SCN11A: variants seen among roughly 807,000 people sequenced by gnomAD.
SCN11A encodes sodium channel protein type 11 subunit alpha.
SCN11A carries 122 observed loss-of-function variants against 162.2 expected under a neutral mutation model. The observed-to-expected ratio is 0.75, with a 90% CI of 0.65 to 0.87. The LOEUF is 0.87. Ranked by LOEUF, SCN11A falls within the 40% of genes least tolerant of loss-of-function variation. The probability of loss-of-function intolerance (pLI) is 0.00; values close to 1 mark genes in which losing one functional copy is unlikely to be tolerated. For missense variants in SCN11A, 2,015 were observed against 2,181.6 expected (o/e 0.92, Z 1.52); for synonymous variants, 758 against 751.5 (o/e 1.01, Z -0.14).
At position 38,879,998 on chromosome 3, in the gene SCN11A, T is replaced by C. The variant is rs1470908414; in HGVS notation, c.3345A>G (p.Gly1115=). Residue 1115 remains glycine (G), a synonymous_variant, in exon 23 of 30, where the codon GGA becomes GGG. Transcript: ENST00000302328. ...MVLKWVAFGF[G]KYFTSAWCCL... ...AGCACCAGGCACTGGTGAAATACTT[T>C]CCAAATCCGAAGGCTACCCATTTTA... 6.2e-7 allele frequency: 1 copy of C among 1,613,106 alleles called. No homozygotes were observed. The highest frequency in any genetic ancestry group is 1.7e-5 in the Admixed American group (1 of 59,850).
At chr3:38,878,504 C>T (rs1051330152) in intron 23 of SCN11A, among the ~76,000 whole-genome samples, 2 of 152,054 alleles carry the variant, frequency 1.3e-5, no homozygotes, top group African/African-American at 2.4e-5. Flanking sequence ...AGATAACAAT[C>T]ATCTGTTCAC....
chr3:39,014,987 T>C (rs900860246), intron 2 of SCN11A, among the ~76,000 whole-genome samples: 1 of 152,204 alleles, frequency 6.6e-6, no homozygotes, highest in Non-Finnish European at 1.5e-5. Flanking sequence ...AAGTCCATGC[T>C]GTTGAGCTGA....
At chr3:38,995,992 T>C (rs1253546213) in intron 2 of SCN11A, among the ~76,000 whole-genome samples, 1 of 152,136 alleles carries the variant, frequency 6.6e-6, no homozygotes, top group Admixed American at 6.5e-5. Flanking sequence ...TTGCAAAAGA[T>C]GAAGAGACAC....
In SCN11A at chr3:38,945,474, TTGA is replaced by T. The variant is rs768235669; in HGVS notation, c.422_424del (p.Ile141del). 6.3e-7 allele frequency: 1 copy of T among 1,595,650 alleles called. No homozygotes were observed. The highest frequency in any genetic ancestry group is 8.6e-7 in the Non-Finnish European group (1 of 1,167,010). The stretch of plus-strand genomic sequence containing the variant: ...AGGCCCTGTAGCCATGAACACGCAG[TTGA>T]TGATAACGGTGCCGATAATGAACAT... On this transcript the variant is annotated inframe_deletion, in exon 7 of 30. Transcript: ENST00000302328.
chr3:38,912,510 T>C (rs1033778997), intron 11 of SCN11A, among the ~76,000 whole-genome samples: 1 of 152,186 alleles, frequency 6.6e-6, no homozygotes, highest in Non-Finnish European at 1.5e-5. Context: ...CTGGCGTACA[T>C]GTGCAGGTTT....
chr3:38,897,481 C>T (rs993676594), intron 17 of SCN11A, among the ~76,000 whole-genome samples: 11 of 152,242 alleles, frequency 7.2e-5, no homozygotes, highest in African/African-American at 2.4e-4. Context: ...CTTTGGGAGG[C>T]CAAGGCGGGT....
In SCN11A at chr3:38,871,549, T is replaced by C. The variant is rs2126095930; in HGVS notation, c.3655A>G (p.Ile1219Val). Residue 1219 changes from isoleucine (I) to valine (V), a missense_variant, in exon 25 of 30, where the codon ATC (isoleucine) becomes GTC (valine). Ile to Val is a conservative substitution (Grantham distance 29, BLOSUM62 3). Transcript: ENST00000302328. The part of the protein sequence containing the change: ...NGTDSVINYT[I>V]ITNKSQCESG... ...TCACATTGACTTTTATTTGTAATGA[T>C]GGTATAATTTATAACTGAGTCTGTT... 2 of 1,612,890 alleles carry C rather than the reference T, an allele frequency of 1.2e-6. No homozygotes were observed. Among genetic ancestry groups the C allele is most frequent in the East Asian group, 2.2e-5 (1 of 44,816 alleles).
intron 28 of SCN11A, among the ~76,000 whole-genome samples, chr3:38,857,786 A>C (rs1311109965): frequency 6.6e-6 from 1 of 152,150 alleles, no homozygotes; most frequent in Non-Finnish European, 1.5e-5. Context: ...TATCAGATTA[A>C]CAGTTAACTT....
chr3:39,034,065 A>C (rs1036170529), intron 1 of SCN11A, among the ~76,000 whole-genome samples: 2 of 152,066 alleles, frequency 1.3e-5, no homozygotes, highest in African/African-American at 4.8e-5. Context: ...AGGAGGCTGA[A>C]GCAGGAGAAT....
intron 1 of SCN11A, among the ~76,000 whole-genome samples, chr3:39,045,165 A>G (rs2032152859): frequency 6.6e-6 from 1 of 152,204 alleles, no homozygotes; most frequent in Non-Finnish European, 1.5e-5. Context: ...AAAGTCTCCC[A>G]ACAAAGAAAA....
chr3:39,014,775 T>C (rs1417718064), intron 2 of SCN11A, among the ~76,000 whole-genome samples: 1 of 152,222 alleles, frequency 6.6e-6, no homozygotes, highest in Non-Finnish European at 1.5e-5. Flanking sequence ...GAAGCAATTA[T>C]TCATATTCAG....
At chr3:38,872,086 C>A in intron 24 of SCN11A, 107 bp downstream of exon 24, 1 of 758,398 alleles carries the variant, frequency 1.3e-6, no homozygotes, top group African/African-American at 1.7e-5. Flanking sequence ...GGGAAGTAAC[C>A]CAGGAAAAGC....
chr3:38,891,871 C>A (rs562977042), intron 19 of SCN11A, among the ~76,000 whole-genome samples: 2 of 152,276 alleles, frequency 1.3e-5, no homozygotes, highest in African/African-American at 4.8e-5. Flanking sequence ...GGAATTAATT[C>A]TCCAACATAT....
chr3:39,043,244 G>T (rs988999358), intron 1 of SCN11A, among the ~76,000 whole-genome samples: 1 of 152,076 alleles, frequency 6.6e-6, no homozygotes, highest in East Asian at 1.9e-4. Context: ...CAACCATTAT[G>T]AAGAATCATT....
intron 4 of SCN11A, among the ~76,000 whole-genome samples, chr3:38,951,338 G>T (rs923459253): frequency 1.3e-5 from 2 of 152,268 alleles, no homozygotes; most frequent in Non-Finnish European, 2.9e-5. Context: ...AGCAGAGTCG[G>T]CCCACTGGCG....
chr3:38,997,670 A>G (rs2030686317), intron 2 of SCN11A, among the ~76,000 whole-genome samples: 1 of 152,238 alleles, frequency 6.6e-6, no homozygotes, highest in African/African-American at 2.4e-5. Context: ...TAGAACACAA[A>G]TGAGACACTT....
intron 27 of SCN11A, among the ~76,000 whole-genome samples, chr3:38,864,737 C>G (rs1446654608): frequency 1.3e-5 from 2 of 152,070 alleles, no homozygotes; most frequent in Admixed American, 1.3e-4. Context: ...TAGCTGATTA[C>G]AGAACTAGGG....
At position 38,847,516 on chromosome 3, in the gene SCN11A, C is replaced by G; in HGVS notation, c.4554G>C (p.Trp1518Cys). 6 of 1,614,108 alleles carry G rather than the reference C, an allele frequency of 3.7e-6. No homozygotes were observed. Among genetic ancestry groups the G allele is most frequent in the Non-Finnish European group, 5.1e-6 (6 of 1,180,018 alleles). ...MFIYAILGMN[W>C]FSKVNPESGI... is the part of the protein sequence containing the mutation. The stretch of plus-strand genomic sequence containing the variant: ...CAGACTCTGGATTCACTTTGGAAAA[C>G]CAGTTCATACCCAGAATGGCATAGA... The change falls in exon 30 of 30, where the codon TGG becomes TGC. Residue 1518 changes from tryptophan to cysteine, a missense_variant. Coordinates refer to ENST00000302328, the MANE Select transcript of SCN11A (RefSeq NM_001349253.2).
chr3:38,928,939 T>C (rs1286459498), intron 7 of SCN11A, among the ~76,000 whole-genome samples: 1 of 152,100 alleles, frequency 6.6e-6, no homozygotes, highest in Non-Finnish European at 1.5e-5. Flanking sequence ...TCTAGGTATA[T>C]GTATAAAAGA....
Sources: allele counts gnomAD v4.1 joint callset (sites outside exome capture counted in the v4.1 genomes callset), GRCh38; gene constraint gnomAD v4.1.1; transcripts MANE v1.5; gene names NCBI Gene and HGNC (gene_info 2026-07-23, HGNC 2026-07-21).